The following SLC22A15 variants were observed in gnomAD, a reference collection of about 807,000 sequenced individuals.
SLC22A15 encodes the protein solute carrier family 22 member 15.
Under a neutral mutation model 62.7 loss-of-function variants are expected in SLC22A15, and 45 were observed. That is an observed-to-expected ratio of 0.72 (90% CI 0.56 to 0.92). The LOEUF is 0.92. Among genes scored for constraint, SLC22A15 ranks in the 40% least tolerant of loss-of-function variants. The probability of loss-of-function intolerance (pLI) is 0.00; values close to 1 mark genes in which losing one functional copy is unlikely to be tolerated. For missense variants in SLC22A15, 622 were observed against 665.6 expected (o/e 0.93, Z 0.72); for synonymous variants, 264 against 267.0 (o/e 0.99, Z 0.11).
At chr1:116,057,208 A>C (rs1293154262) in intron 8 of SLC22A15, among the ~76,000 whole-genome samples, 1 of 151,832 alleles carries the variant, frequency 6.6e-6, no homozygotes, top group African/African-American at 2.4e-5. Flanking sequence ...ACAAATTTAC[A>C]AGAAAAAAAC....
In SLC22A15 at chr1:116,031,466, T is replaced by C; in HGVS notation, c.829T>C (p.Cys277Arg). The C allele has an allele frequency of 6.2e-7, 1 of 1,613,966 alleles. No homozygotes were observed. Among genetic ancestry groups the C allele is most frequent in the Non-Finnish European group, 8.5e-7 (1 of 1,179,888 alleles). ...TGCCAAGAGGAACCGCAAACTCAAG[T>C]GCACGTTCTCACTAACACACCCAGC... ...LIAKRNRKLK[C>R]TFSLTHPANR... Residue 277 changes from cysteine to arginine, a missense_variant, in exon 6 of 12, where the codon TGC becomes CGC. Physicochemically the swap from Cys to Arg is radical, Grantham distance 180. Coordinates refer to ENST00000369503, the MANE Select transcript of SLC22A15 (RefSeq NM_018420.3).
chr1:116,053,580 G>A (rs1285978006), intron 8 of SLC22A15, among the ~76,000 whole-genome samples: 1 of 152,112 alleles, frequency 6.6e-6, no homozygotes, highest in Non-Finnish European at 1.5e-5. Context: ...CTCGAGAAGA[G>A]CAACTCCAAG....
At chr1:116,063,018 G>A (rs1268183038) in intron 9 of SLC22A15, 136 bp downstream of exon 9, 4 of 1,148,918 alleles carry the variant, frequency 3.5e-6, no homozygotes, top group Admixed American at 4.0e-5. Flanking sequence ...AAGCAGTTTA[G>A]GGTGAGAGCT....
rs576104139 is a variant in SLC22A15 at position 116,028,443 on chromosome 1, T to C, written c.728+1421T>C. The stretch of plus-strand genomic sequence containing the variant: ...TAAAATGTTTCGTAAATTTCCTACT[T>C]CTCCATCTTATCTGGCTTTCATCTC... On this transcript the variant is annotated intron_variant, in intron 5 of 11. Coordinates refer to ENST00000369503, the MANE Select transcript of SLC22A15 (RefSeq NM_018420.3). Among the ~76,000 whole-genome samples, 5 of 151,780 alleles carry C rather than the reference T, an allele frequency of 3.3e-5. No individual in the cohort carries two copies. In the South Asian group the frequency reaches 1.0e-3, roughly 32 times the overall value.
intron 8 of SLC22A15, among the ~76,000 whole-genome samples, chr1:116,052,620 C>A (rs1658091509): frequency 6.6e-6 from 1 of 152,350 alleles, no homozygotes; most frequent in Admixed American, 6.5e-5. Context: ...GGTCCCTGAC[C>A]CCTGACCCCC....
intron 5 of SLC22A15, among the ~76,000 whole-genome samples, chr1:116,030,195 G>T (rs1657324041): frequency 6.6e-6 from 1 of 152,152 alleles, no homozygotes; most frequent in African/African-American, 2.4e-5. Flanking sequence ...CAGTAGCAAA[G>T]CTCCTGGGAA....
At chr1:116,064,939 C>G (rs1258070587) in intron 10 of SLC22A15, among the ~76,000 whole-genome samples, 2 of 152,052 alleles carry the variant, frequency 1.3e-5, no homozygotes, top group African/African-American at 2.4e-5. Context: ...AGGTTAAATA[C>G]CTTCCCCCAA....
intron 2 of SLC22A15, among the ~76,000 whole-genome samples, chr1:115,993,407 C>CTGTGTGTGTGAGTGTGTGAGAGTGTG (rs1655246401): frequency 1.4e-5 from 2 of 146,786 alleles, no homozygotes; most frequent in African/African-American, 5.3e-5. Context: ...AGCCACTCTC[C>CTGTGTGTGTGAGTGTGTGAGAGTGTG]TGTGTGTGTG....
At chr1:116,007,302 C>T (rs1199907975) in intron 2 of SLC22A15, among the ~76,000 whole-genome samples, 1 of 152,242 alleles carries the variant, frequency 6.6e-6, no homozygotes, top group Non-Finnish European at 1.5e-5. Context: ...GGCACCTCCA[C>T]CCTCCCTCAG....
chr1:115,989,523 G>A (rs1176249849), intron 1 of SLC22A15, among the ~76,000 whole-genome samples: 3 of 152,200 alleles, frequency 2.0e-5, no homozygotes, highest in African/African-American at 7.2e-5. Flanking sequence ...GCTCATGCCT[G>A]TAATCCCAGC....
At chr1:116,033,792 G>A (rs1305671625) in intron 6 of SLC22A15, among the ~76,000 whole-genome samples, 1 of 152,160 alleles carries the variant, frequency 6.6e-6, no homozygotes, top group African/African-American at 2.4e-5. Flanking sequence ...ACAATGCAGT[G>A]TCACCTTGCA....
At chr1:115,976,823 C>A in intron 1 of SLC22A15, 109 bp downstream of exon 1, 2 of 845,398 alleles carry the variant, frequency 2.4e-6, no homozygotes, top group Admixed American at 2.6e-5. Context: ...CGAGGCTCTG[C>A]AAACACCGAG....
Position 116,031,886 on chromosome 1 carries a change from C to A in SLC22A15, c.944+305C>A, listed in dbSNP as rs1657419466. Reference sequence around the variant, plus strand: ...ATATTTAAGCCTTCCTGCCCCTTCCCCTGCAAAAAAGGAAAGAAAGCAAAT... The same window carrying A: ...ATATTTAAGCCTTCCTGCCCCTTCCACTGCAAAAAAGGAAAGAAAGCAAAT... On this transcript the variant is annotated intron_variant, in intron 6 of 11. Coordinates refer to ENST00000369503, the MANE Select transcript of SLC22A15 (RefSeq NM_018420.3). 7 of 1,144,980 alleles carry A rather than the reference C, an allele frequency of 6.1e-6. No individual in the cohort carries two copies. In the South Asian group the frequency reaches 1.5e-4, roughly 24 times the overall value. 70.9% of individuals were successfully genotyped at this position (1,144,980 alleles called of 1,614,324 possible).
At chr1:115,977,753 G>T (rs1477452287) in intron 1 of SLC22A15, among the ~76,000 whole-genome samples, 1 of 152,204 alleles carries the variant, frequency 6.6e-6, no homozygotes, top group Non-Finnish European at 1.5e-5. Flanking sequence ...TAGTTATTCT[G>T]CAGGAAGTAC....
chr1:116,018,288 T>G (rs1656643574), intron 2 of SLC22A15, among the ~76,000 whole-genome samples: 1 of 152,258 alleles, frequency 6.6e-6, no homozygotes, highest in Admixed American at 6.5e-5. Context: ...TGTGTCTGGC[T>G]TATTTCATAC....
intron 8 of SLC22A15, among the ~76,000 whole-genome samples, chr1:116,059,404 A>T (rs905384998): frequency 2.0e-5 from 3 of 152,200 alleles, no homozygotes; most frequent in Non-Finnish European, 2.9e-5. Context: ...CCCAAACTGG[A>T]TGGAACTCAA....
At chr1:116,045,670 T>C (rs1425033792) in intron 8 of SLC22A15, among the ~76,000 whole-genome samples, 2 of 136,690 alleles carry the variant, frequency 1.5e-5, no homozygotes, top group Middle Eastern at 4.3e-3. Context: ...ACCCGGGGGG[T>C]AGAGGTTGCA....
intron 3 of SLC22A15, among the ~76,000 whole-genome samples, chr1:116,019,945 G>A (rs565607725): frequency 7.9e-5 from 12 of 152,230 alleles, no homozygotes; most frequent in African/African-American, 2.4e-4. Flanking sequence ...GTTCTAAACC[G>A]TTCATAGGTG....
At chr1:116,065,921 G>A (rs1658486113) in intron 10 of SLC22A15, among the ~76,000 whole-genome samples, 1 of 152,084 alleles carries the variant, frequency 6.6e-6, no homozygotes, top group Non-Finnish European at 1.5e-5. Context: ...ATATGTTTTG[G>A]ATCTCTGAAA....
Sources: gnomAD v4.1 joint callset for allele counts (sites outside exome capture counted in the v4.1 genomes callset) on GRCh38, gnomAD v4.1.1 for gene constraint, MANE v1.5 for transcripts, NCBI Gene and HGNC (gene_info 2026-07-23, HGNC 2026-07-21) for gene names.